TCF7L2: variants seen among roughly 807,000 people sequenced by gnomAD.
TCF7L2 encodes the protein transcription factor 7 like 2.
A neutral mutation model predicts 77.9 loss-of-function variants in TCF7L2; 23 were observed. The observed-to-expected ratio is 0.30, with a 90% CI of 0.21 to 0.42. The LOEUF is 0.42. TCF7L2 is among the 10% of genes least tolerant of loss of function. The pLI is 1.00. For missense variants in TCF7L2, 654 were observed against 793.1 expected (o/e 0.82, Z 2.11); for synonymous variants, 413 against 340.2 (o/e 1.21, Z -2.36).
chr10:112,983,645 C>T (rs1017327910), intron 4 of TCF7L2, among the ~76,000 whole-genome samples: 13 of 152,208 alleles, frequency 8.5e-5, no homozygotes, highest in Admixed American at 2.0e-4. Flanking sequence ...TTGTAATAAG[C>T]GTGTAACAGC....
intron 5 of TCF7L2, among the ~76,000 whole-genome samples, chr10:113,135,855 C>G (rs896353003): frequency 2.0e-5 from 3 of 152,146 alleles, no homozygotes; most frequent in African/African-American, 7.2e-5. Flanking sequence ...TGAAAATGGT[C>G]TAGGATGCAG....
intron 11 of TCF7L2, among the ~76,000 whole-genome samples, chr10:113,153,434 G>A (rs1298063303): frequency 6.6e-6 from 1 of 152,182 alleles, no homozygotes; most frequent in Non-Finnish European, 1.5e-5. Context: ...CCTTCCTGTC[G>A]ATGTCTTGGA....
intron 5 of TCF7L2, among the ~76,000 whole-genome samples, chr10:113,077,866 T>TGC (rs1221856155): frequency 1.1e-4 from 9 of 79,106 alleles, no homozygotes; most frequent in East Asian, 1.2e-3. Context: ...TGCTTATTTA[T>TGC]TTATTTATTT....
intron 4 of TCF7L2, among the ~76,000 whole-genome samples, chr10:113,035,756 G>T (rs1418231435): frequency 2.0e-5 from 3 of 152,182 alleles, no homozygotes; most frequent in Non-Finnish European, 2.9e-5. Flanking sequence ...TTCTGACACA[G>T]GAAAATGATA....
At position 113,033,277 on chromosome 10, in the gene TCF7L2, G is replaced by A. The variant is rs1005206895; in HGVS notation, c.451-6748G>A. Among the ~76,000 whole-genome samples the A allele has an allele frequency of 3.0e-5, 4 of 135,042 alleles. No homozygotes were observed. The East Asian group carries it at 7.0e-4, about 24-fold the overall frequency. 88.6% of individuals were successfully genotyped at this position (135,042 alleles called of 152,430 possible). ...CTTTTCTATTCTTCCTTTTTCTTTTGAGACCAGGTCTTGCTCTGTTGCTCA... is the reference window on the plus strand; with the variant it reads ...CTTTTCTATTCTTCCTTTTTCTTTTAAGACCAGGTCTTGCTCTGTTGCTCA... On this transcript the variant is annotated intron_variant, in intron 4 of 13. Coordinates refer to ENST00000627217, the MANE Select transcript of TCF7L2 (RefSeq NM_001146274.2).
At chr10:113,153,640 G>A (rs1661268698) in intron 11 of TCF7L2, among the ~76,000 whole-genome samples, 1 of 152,208 alleles carries the variant, frequency 6.6e-6, no homozygotes, top group Admixed American at 6.5e-5. Context: ...AGTGTCATGG[G>A]TCACTTACTC....
At chr10:113,129,187 G>T in intron 5 of TCF7L2, 1 of 450,420 alleles carries the variant, frequency 2.2e-6, no homozygotes, top group Non-Finnish European at 2.9e-6. Flanking sequence ...ACTGTGACAA[G>T]AAAATATCCT....
intron 5 of TCF7L2, among the ~76,000 whole-genome samples, chr10:113,077,688 T>TC (rs2058841102): frequency 1.3e-5 from 1 of 75,532 alleles, no homozygotes; most frequent in Admixed American, 1.4e-4. Context: ...ATAATTTCTT[T>TC]CTTTTCTTTT....
rs771599372 is a variant in TCF7L2, at chr10:113,151,702, G to A, written c.1002-23G>A. The stretch of plus-strand genomic sequence containing the variant: ...GGACCACGACCTTGTTTATTGGGTT[G>A]CGTCTGTTTTGTCTATCTCCAGAAA... On this transcript the variant is annotated intron_variant, in intron 9 of 13. Coordinates refer to ENST00000627217, the MANE Select transcript of TCF7L2 (RefSeq NM_001146274.2). This position sits in a 1 kb window ranked among gnomAD's most constrained non-coding sequence, Gnocchi z 5.2. 3.2e-6 allele frequency: 5 copies of A among 1,566,636 alleles called. No homozygotes were observed. The highest frequency in any genetic ancestry group is 4.1e-5 in the Admixed American group (2 of 48,696).
chr10:112,994,888 TCA>T (rs2043185000), intron 4 of TCF7L2, among the ~76,000 whole-genome samples: 1 of 151,762 alleles, frequency 6.6e-6, no homozygotes, highest in African/African-American at 2.4e-5. Context: ...TCACCTAAGG[TCA>T]GGAGTTCCAG....
chr10:113,111,498 A>G (rs1041260575), intron 5 of TCF7L2, among the ~76,000 whole-genome samples: 3 of 152,164 alleles, frequency 2.0e-5, no homozygotes, highest in Non-Finnish European at 2.9e-5. Flanking sequence ...TCATTTGCTG[A>G]AATTACTAAC....
chr10:112,957,174 C>A (rs1589649312), intron 3 of TCF7L2, among the ~76,000 whole-genome samples: 2 of 148,190 alleles, frequency 1.3e-5, no homozygotes, highest in Non-Finnish European at 3.0e-5. Flanking sequence ...TTCTTAATTC[C>A]CCCCAACACC....
chr10:113,009,717 A>G (rs900112177), intron 4 of TCF7L2, among the ~76,000 whole-genome samples: 7 of 152,306 alleles, frequency 4.6e-5, no homozygotes, highest in African/African-American at 1.4e-4. Flanking sequence ...GTAAAGGGCC[A>G]TTGTCAAATT....
In TCF7L2 at chr10:113,000,445, G is replaced by A. The variant is rs559752016; in HGVS notation, c.450+35821G>A. Among the ~76,000 whole-genome samples, 6 of 152,246 alleles carry A rather than the reference G, an allele frequency of 3.9e-5. No homozygotes were observed. In the South Asian group the frequency reaches 1.2e-3, roughly 32 times the overall value. On this transcript the variant is annotated intron_variant, in intron 4 of 13. Transcript: ENST00000627217. ...TACAGTTGTACAACTGGTAGGGAGT[G>A]GGTCATAGTATGGCCGGTCTTTTTA...
intron 4 of TCF7L2, among the ~76,000 whole-genome samples, chr10:113,019,495 C>A (rs547571523): frequency 6.6e-6 from 1 of 152,154 alleles, no homozygotes; most frequent in African/African-American, 2.4e-5. Context: ...ATAATTGAAC[C>A]GTTGGGTTTC....
intron 3 of TCF7L2, among the ~76,000 whole-genome samples, chr10:112,961,264 C>CG (rs2035105422): frequency 2.3e-5 from 3 of 131,688 alleles, no homozygotes; most frequent in South Asian, 5.3e-4. Flanking sequence ...ACCCCCCCCC[C>CG]CCCAACCTCG....
rs190002085 is a variant in TCF7L2, at chr10:113,029,781, G to A, written c.451-10244G>A. Among the ~76,000 whole-genome samples the A allele has an allele frequency of 7.2e-4, 109 of 151,960 alleles. 1 individual carries two copies. Among genetic ancestry groups the A allele is most frequent in the African/African-American group, 2.3e-3 (95 of 41,448 alleles). The stretch of plus-strand genomic sequence containing the variant: ...TGACCTCAGGTGATCCAACCGCCTC[G>A]GCCTCCCAAAGTGCTGGGATTACAG... On this transcript the variant is annotated intron_variant, in intron 4 of 13. Transcript: ENST00000627217.
chr10:113,024,987 T>C (rs763807953), intron 4 of TCF7L2, among the ~76,000 whole-genome samples: 2 of 152,206 alleles, frequency 1.3e-5, no homozygotes, highest in Admixed American at 6.5e-5. Flanking sequence ...GAGTTTTGAC[T>C]GCATTTTGAC....
intron 4 of TCF7L2, among the ~76,000 whole-genome samples, chr10:112,997,271 C>T (rs2043647573): frequency 6.6e-6 from 1 of 152,230 alleles, no homozygotes; most frequent in Non-Finnish European, 1.5e-5. Context: ...AGACAGACAA[C>T]AGGGACATCA....
Sources: allele counts gnomAD v4.1 joint callset (sites outside exome capture counted in the v4.1 genomes callset), GRCh38; gene constraint gnomAD v4.1.1; non-coding constraint Gnocchi (gnomAD v3.1); transcripts MANE v1.5; gene names NCBI Gene and HGNC (gene_info 2026-07-23, HGNC 2026-07-21).